PTX4: variants seen among roughly 807,000 people sequenced by gnomAD.
PTX4 encodes the protein pentraxin 4.
Under a neutral mutation model 19.1 loss-of-function variants are expected in PTX4, and 23 were observed. The observed-to-expected ratio is 1.20, with a 90% CI of 0.87 to 1.70. PTX4 has a LOEUF of 1.70. Among genes scored for constraint, PTX4 ranks in the 40% most tolerant of loss-of-function variants. PTX4 has a pLI of 0.00. For missense variants in PTX4, 678 were observed against 610.5 expected (o/e 1.11, Z -1.17); for synonymous variants, 317 against 279.6 (o/e 1.13, Z -1.33).
At position 1,486,369 on chromosome 16, in the gene PTX4, C is replaced by T. The variant is rs771821522; in HGVS notation, c.1007G>A (p.Gly336Glu). Residue 336 changes from glycine to glutamate, a missense_variant, in exon 3 of 3, where the codon GGA becomes GAA. By Grantham distance (98) the Gly-to-Glu change is moderately conservative. Coordinates refer to ENST00000447419, the MANE Select transcript of PTX4 (RefSeq NM_001328608.2). ...VLHGRDSLLP[G>E]SIHFVIGDPA... ...GTCCCCGATCACGAAGTGGATGGAT[C>T]CGGGCAGCAGGGAGTCTCGGCCGTG... 1 of 1,613,972 alleles carries T rather than the reference C, an allele frequency of 6.2e-7. No individual in the cohort carries two copies. The highest frequency in any genetic ancestry group is 1.1e-5 in the South Asian group (1 of 91,080).
Position 1,487,370 on chromosome 16 carries a change from T to C in PTX4, c.742A>G (p.Thr248Ala). The part of the protein sequence containing the change: ...ASGSHRVLSG[T>A]APKDPRQQAW... ...TGCTGCCGAGGGTCTTTTGGGGCAGTCCCACTGAGTACCCGATGGCTGCCT... is the reference window on the plus strand; with the variant it reads ...TGCTGCCGAGGGTCTTTTGGGGCAGCCCCACTGAGTACCCGATGGCTGCCT... The change falls in exon 2 of 3, where the codon ACT becomes GCT. Residue 248 changes from threonine to alanine, a missense_variant. Physicochemically the swap from Thr to Ala is moderately conservative, Grantham distance 58 (BLOSUM62 0). Coordinates refer to ENST00000447419, the MANE Select transcript of PTX4 (RefSeq NM_001328608.2). 6.4e-7 allele frequency: 1 copy of C among 1,559,864 alleles called. No individual in the cohort carries two copies. Among genetic ancestry groups the C allele is most frequent in the Non-Finnish European group, 8.6e-7 (1 of 1,158,130 alleles).
Position 1,487,448 on chromosome 16 carries a change from G to T in PTX4, c.664C>A (p.Pro222Thr). 1 of 1,514,452 alleles carries T rather than the reference G, an allele frequency of 6.6e-7. No individual in the cohort carries two copies. Among genetic ancestry groups the T allele is most frequent in the South Asian group, 1.3e-5 (1 of 75,064 alleles). The allele number at this position is 1,514,452 out of a possible 1,614,324, so 93.8% of individuals were successfully genotyped here. A position where few individuals can be genotyped will look rare whatever the true frequency, so the allele number is the denominator to read the frequency against. The change falls in exon 2 of 3, where the codon CCC becomes ACC. Residue 222 changes from proline (P) to threonine (T), a missense_variant. Pro to Thr is a conservative substitution (Grantham distance 38). Coordinates refer to ENST00000447419, the MANE Select transcript of PTX4 (RefSeq NM_001328608.2). ...AGAGGGGCCGAGGAGTCCTGTGGGG[G>T]GCCCCTGTGCTCAGAGGCAGCTCGG... ...ELRAASEHRG[P>T]PQDSSAPLQG...
chr16:1,487,888 C>G lies in PTX4; in HGVS notation c.224G>C (p.Arg75Pro), dbSNP rs781192345. The part of the protein sequence containing the change: ...NYNVSYNVDV[R>P]FRSLAEESQA... ...GCTCTCTTCCGCCAGGCTCCGGAAC[C>G]GGACGTCAACGTTGTAGGACACGTT... The change falls in exon 2 of 3, where the codon CGG becomes CCG. Residue 75 changes from arginine (R) to proline (P), a missense_variant. Transcript: ENST00000447419. 234 of 1,612,826 alleles carry G rather than the reference C, an allele frequency of 1.5e-4. 1 individual carries two copies. In the Middle Eastern group the frequency reaches 5.4e-3, roughly 38 times the overall value.
Position 1,486,473 on chromosome 16 carries a change from G to T in PTX4, c.903C>A (p.Ser301Arg), listed in dbSNP as rs1319358075. 6.2e-7 allele frequency: 1 copy of T among 1,613,322 alleles called. No homozygotes were observed. The highest frequency in any genetic ancestry group is 2.2e-5 in the East Asian group (1 of 44,894). ...GGCGGCCGGAGGCCGTGCGGACCCA[G>T]CTGCAGAAGGACAGGGCTCGCAGGG... Reference protein sequence around the residue: ...VTALRALSFCSWVRTASGRLG... With the variant: ...VTALRALSFCRWVRTASGRLG... Residue 301 changes from serine to arginine, a missense_variant, in exon 3 of 3, where the codon AGC becomes AGA. Transcript: ENST00000447419.
At chr16:1,486,778 G>A (rs940917586) in intron 2 of PTX4, among the ~76,000 whole-genome samples, 199 bp from the exon 3 acceptor site, 2 of 152,206 alleles carry the variant, frequency 1.3e-5, no homozygotes, top group Non-Finnish European at 2.9e-5. Context: ...TTCCACAGGC[G>A]GGAAGACTGA....
chr16:1,487,757 C>A lies in PTX4; in HGVS notation c.355G>T (p.Asp119Tyr), dbSNP rs373890813. 6.2e-7 allele frequency: 1 copy of A among 1,612,934 alleles called. No homozygotes were observed. The highest frequency in any genetic ancestry group is 8.5e-7 in the Non-Finnish European group (1 of 1,179,792). The change falls in exon 2 of 3, where the codon GAC (aspartate) becomes TAC (tyrosine). Residue 119 changes from aspartate (D) to tyrosine (Y), a missense_variant. Transcript: ENST00000447419. Reference sequence around the variant, plus strand: ...AGGTCCAAGGCCCGCAGCCGCGTGTCTACTTTCCGGCCTCGGCGCTGCAGC... The same window carrying A: ...AGGTCCAAGGCCCGCAGCCGCGTGTATACTTTCCGGCCTCGGCGCTGCAGC... Reference protein sequence around the residue: ...RKLQRRGRKVDTRLRALDLTL... With the variant: ...RKLQRRGRKVYTRLRALDLTL...
Position 1,487,613 on chromosome 16 carries a change from T to G in PTX4, c.499A>C (p.Arg167=). The change falls in exon 2 of 3, where the codon AGG becomes CGG. Residue 167 remains arginine, a synonymous_variant. Coordinates refer to ENST00000447419, the MANE Select transcript of PTX4 (RefSeq NM_001328608.2). ...AGCCGCCCCTCCAGAGCAGCCAGCCTGGCGCCCTGGCTGTGGACGAGGCCC... is the reference window on the plus strand; with the variant it reads ...AGCCGCCCCTCCAGAGCAGCCAGCCGGGCGCCCTGGCTGTGGACGAGGCCC... ...LEGLVHSQGA[R]LAALEGRLPV... 6.4e-7 allele frequency: 1 copy of G among 1,572,272 alleles called. No homozygotes were observed. The highest frequency in any genetic ancestry group is 8.6e-7 in the Non-Finnish European group (1 of 1,156,798).
chr16:1,487,978 G>A lies in PTX4; in HGVS notation c.142-8C>T, dbSNP rs1045213675. 1.9e-6 allele frequency: 3 copies of A among 1,564,406 alleles called. No homozygotes were observed. Among genetic ancestry groups the A allele is most frequent in the African/African-American group, 2.7e-5 (2 of 73,868 alleles). ...CTCCTGGAATCTCCGGAACTGTAAGGAGGACACGGTGATGATGGGGCGGGC... is the reference window on the plus strand; with the variant it reads ...CTCCTGGAATCTCCGGAACTGTAAGAAGGACACGGTGATGATGGGGCGGGC... On this transcript the variant is annotated splice_region_variant and splice_polypyrimidine_tract_variant and intron_variant, in intron 1 of 2. Coordinates refer to ENST00000447419, the MANE Select transcript of PTX4 (RefSeq NM_001328608.2).
rs545934093 is a variant in PTX4 at position 1,488,802 on chromosome 16, C to T, written c.108G>A (p.Pro36=). Residue 36 remains proline (P), a synonymous_variant, in exon 1 of 3, where the codon CCG becomes CCA. Coordinates refer to ENST00000447419, the MANE Select transcript of PTX4 (RefSeq NM_001328608.2). ...CCAGCCTACGGAGCCTCTCGAAAAA[C>T]GGTTTCCTGGGCCCCACTGGGGCGG... The part of the protein sequence containing the change: ...QEAAPVGPRK[P]FFERLRRLEE... The T allele has an allele frequency of 8.0e-5, 56 of 702,224 alleles. No homozygotes were observed. Among genetic ancestry groups the T allele is most frequent in the African/African-American group, 5.1e-4 (29 of 57,370 alleles). The allele number at this position is 702,224 out of a possible 1,614,324, so 43.5% of individuals were successfully genotyped here.
chr16:1,488,693 C>T (rs186234098), intron 1 of PTX4, 76 bp downstream of exon 1: 70 of 639,558 alleles, frequency 1.1e-4, no homozygotes. Context: ...GTTTACCAAT[C>T]TGCTTCTGTA....
chr16:1,487,294 G>A, intron 2 of PTX4, 22 bp downstream of exon 2: 1 of 1,498,776 alleles, frequency 6.7e-7, no homozygotes, highest in East Asian at 2.5e-5. Flanking sequence ...CTGGCCGTGA[G>A]CTGGGAGCCT....
rs1052489589 is a variant in PTX4 at position 1,488,105 on chromosome 16, C to A, written c.142-135G>T. The A allele has an allele frequency of 9.4e-6, 10 of 1,064,946 alleles. No individual in the cohort carries two copies. The African/African-American group carries it at 1.4e-4, about 15-fold the overall frequency. The allele number at this position is 1,064,946 out of a possible 1,614,324, so 66.0% of individuals were successfully genotyped here. A position where few individuals can be genotyped will look rare whatever the true frequency, so the allele number is the denominator to read the frequency against. ...CGGCCAGCACTGGCTATCTGCCCAC[C>A]GATTTGATCCCCACTGCGATGCCGT... On this transcript the variant is annotated intron_variant, in intron 1 of 2. Transcript: ENST00000447419.
intron 1 of PTX4, 80 bp from the exon 2 acceptor site, chr16:1,488,050 G>A (rs1302053591): frequency 7.0e-7 from 1 of 1,423,166 alleles, no homozygotes; most frequent in Non-Finnish European, 9.5e-7. Context: ...GCCCTCTCAA[G>A]TTGGGAGCAG....
chr16:1,487,222 C>T, intron 2 of PTX4, 94 bp downstream of exon 2: 1 of 1,267,896 alleles, frequency 7.9e-7, no homozygotes, highest in Admixed American at 2.8e-5. Context: ...CGGCCCCTAA[C>T]TGAACCTCTT....
chr16:1,488,136 G>A (rs1446760575), intron 1 of PTX4, among the ~76,000 whole-genome samples, 166 bp from the exon 2 acceptor site: 1 of 152,246 alleles, frequency 6.6e-6, no homozygotes, highest in African/African-American at 2.4e-5. Context: ...GCCGTGAGAT[G>A]TGGTGGGTGC....
chr16:1,486,964 G>C (rs2039251629), intron 2 of PTX4, among the ~76,000 whole-genome samples: 1 of 152,186 alleles, frequency 6.6e-6, no homozygotes, highest in African/African-American at 2.4e-5. Context: ...CGGTCTCCCA[G>C]GGCTCAAATC....
Position 1,485,948 on chromosome 16 carries a change from G to T in PTX4, c.1428C>A (p.Arg476=). Residue 476 remains arginine (R), a synonymous_variant, in exon 3 of 3, where the codon CGC becomes CGA. Coordinates refer to ENST00000447419, the MANE Select transcript of PTX4 (RefSeq NM_001328608.2). ...CCCGTGCGGCTCGGCCTCAGGGACA[G>T]CGTTCCAGGCAGGTGCAGTTGGCCC... ...VQGANCTCLE[R]CP is the part of the protein sequence containing the mutation. 3 of 1,603,602 alleles carry T rather than the reference G, an allele frequency of 1.9e-6. No individual in the cohort carries two copies. In the South Asian group the frequency reaches 3.3e-5, roughly 18 times the overall value.
chr16:1,488,889 C>T lies in PTX4; in HGVS notation c.21G>A (p.Lys7=), dbSNP rs1349479502. The change falls in exon 1 of 3, where the codon AAG becomes AAA. Residue 7 remains lysine, a synonymous_variant. Transcript: ENST00000447419. ...CAAAAACAAGGAAGAAAGACAAGGT[C>T]TTCCTCCACGAGCAACCCATCCGGA... is the stretch of plus-strand genomic sequence containing the variant. The part of the protein sequence containing the change: MGCSWR[K]TLSFFLVFVP... 1.6e-5 allele frequency: 11 copies of T among 700,406 alleles called. No homozygotes were observed. The highest frequency in any genetic ancestry group is 1.4e-4 in the African/African-American group (8 of 57,240). The allele number at this position is 700,406 out of a possible 1,614,324, so 43.4% of individuals were successfully genotyped here. A position where few individuals can be genotyped will look rare whatever the true frequency, so the allele number is the denominator to read the frequency against.
chr16:1,487,287 G>A (rs2039254333), intron 2 of PTX4, 29 bp downstream of exon 2: 12 of 1,490,120 alleles, frequency 8.1e-6, no homozygotes, highest in Middle Eastern at 1.9e-4. Flanking sequence ...GGGAAGCCTG[G>A]CCGTGAGCTG....
Sources: allele counts gnomAD v4.1 joint callset (sites outside exome capture counted in the v4.1 genomes callset), GRCh38; gene constraint gnomAD v4.1.1; transcripts MANE v1.5; gene names NCBI Gene and HGNC (gene_info 2026-07-23, HGNC 2026-07-21).